Variants in TLN2 observed in about 807,000 individuals in gnomAD.
TLN2 encodes talin-2.
Under a neutral mutation model 294.7 loss-of-function variants are expected in TLN2, and 118 were observed. The ratio of observed to expected loss-of-function variants is 0.40; its 90% CI spans 0.34 to 0.47. The LOEUF (loss-of-function observed/expected upper bound fraction) is 0.47, where lower values mean the gene tolerates loss of function less well. TLN2 is among the 20% of genes least tolerant of loss of function. The probability of loss-of-function intolerance (pLI) is 0.84; values close to 1 mark genes in which losing one functional copy is unlikely to be tolerated. For missense variants in TLN2, 3,083 were observed against 3,282.2 expected (o/e 0.94, Z 1.48); for synonymous variants, 1,431 against 1,304.5 (o/e 1.10, Z -2.09).
chr15:62,468,744 C>CAA (rs72096398), intron 1 of TLN2, among the ~76,000 whole-genome samples: 16,585 of 115,646 alleles, frequency 0.14, 1,444 homozygotes, highest in East Asian at 0.47. Context: ...GACTCTGTCT[C>CAA]AAAAAAAAAA....
intron 20 of TLN2, among the ~76,000 whole-genome samples, chr15:62,707,687 TA>T (rs2059153639): frequency 6.6e-6 from 1 of 152,168 alleles, no homozygotes; most frequent in African/African-American, 2.4e-5. Flanking sequence ...CAGTGTGTCA[TA>T]CATCACCTCA....
intron 41 of TLN2, among the ~76,000 whole-genome samples, chr15:62,766,920 G>T (rs2063043081): frequency 6.6e-6 from 1 of 152,212 alleles, no homozygotes; most frequent in South Asian, 2.1e-4. Context: ...CACTCCAGGG[G>T]AGCCGTTCAG....
chr15:62,511,950 C>T (rs1263561334), intron 1 of TLN2, among the ~76,000 whole-genome samples: 2 of 152,102 alleles, frequency 1.3e-5, no homozygotes, highest in Non-Finnish European at 2.9e-5. Context: ...TGCACCTGTG[C>T]CTGAAATGCT....
chr15:62,737,148 G>A, intron 29 of TLN2, 62 bp downstream of exon 29: 2 of 1,572,184 alleles, frequency 1.3e-6, no homozygotes, highest in Middle Eastern at 1.7e-4. Context: ...CATGTGGTCG[G>A]GCTGTCTCCT....
intron 9 of TLN2, among the ~76,000 whole-genome samples, chr15:62,658,809 C>T (rs548622065): frequency 6.6e-6 from 1 of 152,308 alleles, no homozygotes; most frequent in South Asian, 2.1e-4. Flanking sequence ...GCAGTTTCCA[C>T]GTTCCCACCT....
intron 1 of TLN2, among the ~76,000 whole-genome samples, chr15:62,443,141 AT>A (rs2035639081): frequency 6.6e-6 from 1 of 152,214 alleles, no homozygotes. Flanking sequence ...TCCTTTTGCC[AT>A]GTAAGATACC....
chr15:62,665,082 G>A (rs2054439190), intron 9 of TLN2, among the ~76,000 whole-genome samples: 1 of 151,996 alleles, frequency 6.6e-6, no homozygotes, highest in Non-Finnish European at 1.5e-5. Context: ...TGTTGTTGTT[G>A]TTGTTGTTGA....
rs778730838 is a variant in TLN2 at position 62,759,202 on chromosome 15, TCTG to T, written c.4639-2475_4639-2473del. Among the ~76,000 whole-genome samples the T allele has an allele frequency of 3.3e-5, 5 of 152,346 alleles. No individual in the cohort carries two copies. The East Asian group carries it at 9.6e-4, about 29-fold the overall frequency. ...TGAGTATTCAGTTTACTTGAGTGGC[TCTG>T]CTGTGCCCAATGGAAGCAGAGTTCA... is the stretch of plus-strand genomic sequence containing the variant. On this transcript the variant is annotated intron_variant, in intron 37 of 58. Coordinates refer to ENST00000636159, the MANE Select transcript of TLN2 (RefSeq NM_015059.3).
chr15:62,646,903 G>A (rs926714865), intron 3 of TLN2, among the ~76,000 whole-genome samples: 15 of 152,270 alleles, frequency 9.9e-5, no homozygotes, highest in African/African-American at 2.9e-4. Flanking sequence ...AGGTGCCCAA[G>A]GCTCTCTGCC....
At chr15:62,589,850 C>CT (rs1293713722) in intron 2 of TLN2, 88 bp downstream of exon 2, 29 of 152,258 alleles carry the variant, frequency 1.9e-4, no homozygotes, top group African/African-American at 6.7e-4. Flanking sequence ...AAACTGCTGT[C>CT]TGTTATGCTG....
chr15:62,542,942 A>G (rs2041783023), intron 1 of TLN2, among the ~76,000 whole-genome samples: 1 of 152,068 alleles, frequency 6.6e-6, no homozygotes, highest in Non-Finnish European at 1.5e-5. Flanking sequence ...TTTGCCTTAA[A>G]CCAGTCATTG....
intron 1 of TLN2, among the ~76,000 whole-genome samples, chr15:62,459,883 C>T (rs2036696008): frequency 6.6e-6 from 1 of 152,092 alleles, no homozygotes; most frequent in African/African-American, 2.4e-5. Context: ...GTAGTTTTTT[C>T]CCCCTACCTC....
chr15:62,682,781 T>C (rs1474245161), intron 11 of TLN2: 3 of 152,062 alleles, frequency 2.0e-5, no homozygotes, highest in Non-Finnish European at 4.4e-5. Flanking sequence ...CAGCATAAAA[T>C]CTTGTTTTAT....
Position 62,717,582 on chromosome 15 carries a change from G to A in TLN2, c.2770G>A (p.Ala924Thr). Reference protein sequence around the residue: ...KKIVNRLEVAAKQAAAAATQT... With the variant: ...KKIVNRLEVATKQAAAAATQT... ...ATCTATCACTCCTCTGCAGGTTGCA[G>A]CCAAGCAGGCCGCAGCGGCAGCCAC... is the stretch of plus-strand genomic sequence containing the variant. Residue 924 changes from alanine to threonine, a missense_variant, in exon 24 of 59, where the codon GCC (alanine) becomes ACC (threonine). Coordinates refer to ENST00000636159, the MANE Select transcript of TLN2 (RefSeq NM_015059.3). 1 of 1,567,058 alleles carries A rather than the reference G, an allele frequency of 6.4e-7. No homozygotes were observed.
intron 1 of TLN2, among the ~76,000 whole-genome samples, chr15:62,554,677 C>A (rs1371960972): frequency 6.6e-6 from 1 of 152,120 alleles, no homozygotes; most frequent in Non-Finnish European, 1.5e-5. Flanking sequence ...ACGGAAAAAG[C>A]TGGATAATGC....
At chr15:62,699,804 CAA>C in intron 16 of TLN2, among the ~76,000 whole-genome samples, 1 of 152,362 alleles carries the variant, frequency 6.6e-6, no homozygotes, top group East Asian at 1.9e-4. Flanking sequence ...ACTTTAAAAA[CAA>C]AGCCCAAAGC....
intron 1 of TLN2, among the ~76,000 whole-genome samples, chr15:62,473,681 G>A (rs979092715): frequency 6.6e-6 from 1 of 152,220 alleles, no homozygotes; most frequent in South Asian, 2.1e-4. Flanking sequence ...AGTTGTGTGA[G>A]CTCAAAGGTC....
chr15:62,395,223 G>A (rs1022839630), intron 1 of TLN2, among the ~76,000 whole-genome samples: 1 of 147,074 alleles, frequency 6.8e-6, no homozygotes, highest in East Asian at 2.0e-4. Flanking sequence ...TAGCCAGGGC[G>A]GGGGTGGGGT....
intron 1 of TLN2, among the ~76,000 whole-genome samples, chr15:62,517,064 A>G (rs1218233973): frequency 1.3e-5 from 2 of 152,204 alleles, no homozygotes; most frequent in Non-Finnish European, 2.9e-5. Context: ...ATCAGTGGAT[A>G]CGGATGAAAG....
Sources: gnomAD v4.1 joint callset for allele counts (sites outside exome capture counted in the v4.1 genomes callset) on GRCh38, gnomAD v4.1.1 for gene constraint, MANE v1.5 for transcripts, NCBI Gene and HGNC (gene_info 2026-07-23, HGNC 2026-07-21) for gene names.